The following STK32B variants were observed in gnomAD, a reference collection of about 807,000 sequenced individuals.
STK32B encodes serine/threonine kinase 32B.
A neutral mutation model predicts 52.6 loss-of-function variants in STK32B; 43 were observed. That is an observed-to-expected ratio of 0.82 (90% CI 0.64 to 1.05). The LOEUF (loss-of-function observed/expected upper bound fraction) is 1.05, where lower values mean the gene tolerates loss of function less well. STK32B is among the 50% of genes least tolerant of loss of function. The pLI is 0.00. For missense variants in STK32B, 621 were observed against 534.6 expected, an observed-to-expected ratio of 1.16 and a Z score of -1.59; for synonymous variants, 238 against 204.3, an observed-to-expected ratio of 1.17 and a Z score of -1.41.
intron 3 of STK32B, among the ~76,000 whole-genome samples, chr4:5,274,972 C>T (rs1425031066): frequency 6.6e-6 from 1 of 152,198 alleles, no homozygotes; most frequent in Non-Finnish European, 1.5e-5. Flanking sequence ...CCTAATTGAG[C>T]TGAACACTAG....
chr4:5,462,850 G>T (rs1185603375), intron 9 of STK32B, among the ~76,000 whole-genome samples: 3 of 152,184 alleles, frequency 2.0e-5, no homozygotes, highest in Non-Finnish European at 4.4e-5. Context: ...GGATAAAGTT[G>T]TTCCCAGTTG....
At chr4:5,348,387 C>A (rs1215663391) in intron 4 of STK32B, among the ~76,000 whole-genome samples, 1 of 152,208 alleles carries the variant, frequency 6.6e-6, no homozygotes, top group Admixed American at 6.5e-5. Flanking sequence ...AGACTGCATT[C>A]TTCCCTAGGG....
rs147689822 is a variant in STK32B at position 5,160,216 on chromosome 4, A to C, written c.109-8083A>C. Among the ~76,000 whole-genome samples the C allele has an allele frequency of 4.3e-3, 658 of 152,262 alleles. 5 individuals are homozygous for C. Among genetic ancestry groups the C allele is most frequent in the Middle Eastern group, 0.024 (7 of 294 alleles). ...TGAGGCCCTTCTTGGGCCGCTTTGC[A>C]CATCTCCACAATGTCCTGTGCCCTT... On this transcript the variant is annotated intron_variant, in intron 2 of 11. Coordinates refer to ENST00000282908, the MANE Select transcript of STK32B (RefSeq NM_018401.3).
intron 1 of STK32B, among the ~76,000 whole-genome samples, chr4:5,082,546 T>A (rs565781524): frequency 2.0e-5 from 3 of 152,348 alleles, no homozygotes; most frequent in South Asian, 2.1e-4. Flanking sequence ...TTTGTCTATC[T>A]GATTCACTCC....
intron 3 of STK32B, among the ~76,000 whole-genome samples, chr4:5,241,917 T>A (rs968763268): frequency 1.3e-5 from 2 of 152,268 alleles, no homozygotes; most frequent in African/African-American, 4.8e-5. Flanking sequence ...CATCATTTTT[T>A]ATGGCTGCAT....
the STK32B span, among the ~76,000 whole-genome samples, chr4:5,045,736 C>T: frequency 3.9e-5 from 6 of 152,062 alleles, no homozygotes; most frequent in Non-Finnish European, 7.4e-5. Context: ...GGAATGCTTA[C>T]GAATTTTGCA....
chr4:5,164,749 G>A (rs190853641), intron 2 of STK32B, among the ~76,000 whole-genome samples: 318 of 152,302 alleles, frequency 2.1e-3, no homozygotes, highest in Admixed American at 7.2e-3. Flanking sequence ...GCAAACAGCT[G>A]GAATTTAAGC....
intron 4 of STK32B, among the ~76,000 whole-genome samples, chr4:5,338,233 GAAAC>G (rs1399580362): frequency 6.6e-6 from 1 of 151,602 alleles, no homozygotes; most frequent in Non-Finnish European, 1.5e-5. Flanking sequence ...ACAAATAACA[GAAAC>G]AAACACAGCA....
chr4:5,436,295 G>A (rs908902746), intron 6 of STK32B, among the ~76,000 whole-genome samples: 3 of 152,222 alleles, frequency 2.0e-5, no homozygotes, highest in Non-Finnish European at 4.4e-5. Flanking sequence ...GATGATGGTA[G>A]AACACAGCAA....
At chr4:5,480,076 G>T (rs988771067) in intron 11 of STK32B, among the ~76,000 whole-genome samples, 12 of 152,168 alleles carry the variant, frequency 7.9e-5, no homozygotes, top group African/African-American at 2.9e-4. Context: ...GCATTTAACA[G>T]CCTCGGTGAC....
chr4:5,097,613 G>T (rs1713474018), intron 1 of STK32B, among the ~76,000 whole-genome samples: 1 of 152,170 alleles, frequency 6.6e-6, no homozygotes, highest in African/African-American at 2.4e-5. Flanking sequence ...TTTTCATGAA[G>T]TGACATGCAA....
Position 5,499,178 on chromosome 4 carries a change from T to C in STK32B, c.*95T>C, listed in dbSNP as rs1720544886. The C allele has an allele frequency of 4.9e-6, 7 of 1,429,046 alleles. No homozygotes were observed. The African/African-American group carries it at 8.7e-5, about 18-fold the overall frequency. The allele number at this position is 1,429,046 out of a possible 1,614,324, so 88.5% of individuals were successfully genotyped here. Reference sequence around the variant, plus strand: ...GCCCTGATGGTCCCTGTCTCACCCCTGAAAACATCAGATGCAGAAAAAGCC... The same window carrying C: ...GCCCTGATGGTCCCTGTCTCACCCCCGAAAACATCAGATGCAGAAAAAGCC... On this transcript the variant is annotated 3_prime_UTR_variant, in exon 12 of 12. Transcript: ENST00000282908.
chr4:5,372,505 A>G (rs1022566034), intron 4 of STK32B, among the ~76,000 whole-genome samples: 1 of 152,156 alleles, frequency 6.6e-6, no homozygotes, highest in Non-Finnish European at 1.5e-5. Context: ...TTACTATTCA[A>G]TATTACCATC....
intron 1 of STK32B, among the ~76,000 whole-genome samples, chr4:5,078,341 G>A (rs1282249384): frequency 6.6e-6 from 1 of 152,120 alleles, no homozygotes; most frequent in Admixed American, 6.5e-5. Context: ...AAATTAGAAT[G>A]GCTTTAGGGT....
the STK32B span, among the ~76,000 whole-genome samples, chr4:5,024,432 T>C: frequency 1.3e-5 from 2 of 152,190 alleles, no homozygotes; most frequent in Non-Finnish European, 2.9e-5. Flanking sequence ...ATGTCCACAA[T>C]CATGCAAGCC....
At chr4:5,247,193 G>A (rs578085225) in intron 3 of STK32B, among the ~76,000 whole-genome samples, 5 of 152,362 alleles carry the variant, frequency 3.3e-5, no homozygotes, top group South Asian at 2.1e-4. Flanking sequence ...GAGGCAGGCA[G>A]GCCTCCTTGA....
chr4:5,466,910 T>C, intron 10 of STK32B, 76 bp downstream of exon 10: 3 of 1,511,578 alleles, frequency 2.0e-6, no homozygotes, highest in Non-Finnish European at 8.9e-7. Flanking sequence ...GGCCACTGTT[T>C]AGCAAAAAGG....
At chr4:5,254,798 C>T (rs1726181636) in intron 3 of STK32B, among the ~76,000 whole-genome samples, 2 of 152,008 alleles carry the variant, frequency 1.3e-5, no homozygotes, top group African/African-American at 2.4e-5. Flanking sequence ...TTCTTTGACA[C>T]AGTTTTTTAG....
Position 5,164,180 on chromosome 4 carries a change from G to A in STK32B, c.109-4119G>A, listed in dbSNP as rs150777444. ...TATTATCTTACAGTTTCGAAGGCCA[G>A]AAGTCTTGAATCCAGCTGTGGGCAG... On this transcript the variant is annotated intron_variant, in intron 2 of 11. Transcript: ENST00000282908. 2.0e-5 allele frequency among the ~76,000 whole-genome samples: 3 copies of A among 152,332 alleles called. No individual in the cohort carries two copies. The East Asian group carries it at 5.8e-4, about 29-fold the overall frequency.
Sources: allele counts gnomAD v4.1 joint callset (sites outside exome capture counted in the v4.1 genomes callset), GRCh38; gene constraint gnomAD v4.1.1; transcripts MANE v1.5; gene names NCBI Gene and HGNC (gene_info 2026-07-23, HGNC 2026-07-21).